GRK5: variants seen among roughly 807,000 people sequenced by gnomAD.
The protein encoded by GRK5 is g protein-coupled receptor kinase GRK5.
Under a neutral mutation model 78.4 loss-of-function variants are expected in GRK5, and 40 were observed. The observed-to-expected ratio is 0.51, with a 90% CI of 0.40 to 0.66. The LOEUF is 0.66. Ranked by LOEUF, GRK5 falls within the 30% of genes least tolerant of loss-of-function variation. The probability of loss-of-function intolerance (pLI) is 0.00; values close to 1 mark genes in which losing one functional copy is unlikely to be tolerated. For missense variants in GRK5, 598 were observed against 759.9 expected, an observed-to-expected ratio of 0.79 and a Z score of 2.50; for synonymous variants, 289 against 296.8, an observed-to-expected ratio of 0.97 and a Z score of 0.27.
At chr10:119,266,500 G>C (rs1453665019) in intron 1 of GRK5, among the ~76,000 whole-genome samples, 2 of 151,992 alleles carry the variant, frequency 1.3e-5, no homozygotes, top group Non-Finnish European at 2.9e-5. Flanking sequence ...TTATCAAGAA[G>C]AGCCCTTCCC....
chr10:119,249,495 T>C (rs1849166348), intron 1 of GRK5, among the ~76,000 whole-genome samples: 2 of 152,132 alleles, frequency 1.3e-5, no homozygotes, highest in South Asian at 4.1e-4. Flanking sequence ...AACATTTTAT[T>C]TTATTTTATT....
rs66652162 is a variant in GRK5 at position 119,389,801 on chromosome 10, AACAC to A, written c.262-6861_262-6858del. On this transcript the variant is annotated intron_variant, in intron 3 of 15. Transcript: ENST00000392870. ...CAGTCAGCACCCAGAGATCATGAGCAACACACACACACACACACACACACACACA... is the reference window on the plus strand; with the variant it reads ...CAGTCAGCACCCAGAGATCATGAGCAACACACACACACACACACACACACA... 3.6e-3 allele frequency among the ~76,000 whole-genome samples: 535 copies of A among 149,738 alleles called. 9 individuals are homozygous for A. In the South Asian group the frequency reaches 0.038, roughly 11 times the overall value.
rs1392690397 is a variant in GRK5, at chr10:119,394,355, T to G, written c.262-2340T>G. ...GTGTGTCTGTGTGTGGGCATGTGGG[T>G]GTGTGGGTGTGTGTGGGTGTCGGTG... On this transcript the variant is annotated intron_variant, in intron 3 of 15. Transcript: ENST00000392870. Among the ~76,000 whole-genome samples the G allele has an allele frequency of 3.2e-5, 3 of 92,588 alleles. 1 individual carries two copies. The highest frequency in any genetic ancestry group is 7.3e-5 in the Non-Finnish European group (3 of 40,960). The allele number at this position is 92,588 out of a possible 152,430, so 60.7% of individuals were successfully genotyped here. A position where few individuals can be genotyped will look rare whatever the true frequency, so the allele number is the denominator to read the frequency against.
chr10:119,369,993 G>A (rs994979027), intron 2 of GRK5, among the ~76,000 whole-genome samples: 1 of 152,134 alleles, frequency 6.6e-6, no homozygotes, highest in African/African-American at 2.4e-5. Context: ...CTTGGTGATA[G>A]AGGTCACTGC....
chr10:119,329,361 G>T lies in GRK5; in HGVS notation c.148+2750G>T, dbSNP rs144390139. Among the ~76,000 whole-genome samples, 25 of 152,282 alleles carry T rather than the reference G, an allele frequency of 1.6e-4. No individual in the cohort carries two copies. The East Asian group carries it at 4.6e-3, about 28-fold the overall frequency. ...GACATTATGTATAAAACAAACATAAGATTTTGAAAGCCGGGAGAGAAGAAG... is the reference window on the plus strand; with the variant it reads ...GACATTATGTATAAAACAAACATAATATTTTGAAAGCCGGGAGAGAAGAAG... On this transcript the variant is annotated intron_variant, in intron 2 of 15. Transcript: ENST00000392870.
intron 3 of GRK5, among the ~76,000 whole-genome samples, chr10:119,381,941 C>T (rs1240147980): frequency 6.6e-6 from 1 of 152,216 alleles, no homozygotes; most frequent in Non-Finnish European, 1.5e-5. Context: ...GCCCACTGGA[C>T]ATCTCCACTG....
intron 1 of GRK5, among the ~76,000 whole-genome samples, chr10:119,313,397 G>A (rs969037191): frequency 6.6e-6 from 1 of 152,080 alleles, no homozygotes; most frequent in African/African-American, 2.4e-5. Context: ...GCTACATTTA[G>A]TGGCACCTAT....
chr10:119,372,108 C>T (rs1051056637), intron 2 of GRK5, among the ~76,000 whole-genome samples: 2 of 152,232 alleles, frequency 1.3e-5, no homozygotes. Flanking sequence ...CACAAAATGT[C>T]TACAGACATT....
Position 119,436,643 on chromosome 10 carries a change from GC to G in GRK5, c.739-7del, listed in dbSNP as rs1183206004. On this transcript the variant is annotated splice_region_variant and splice_polypyrimidine_tract_variant and intron_variant, in intron 8 of 15. Coordinates refer to ENST00000392870, the MANE Select transcript of GRK5 (RefSeq NM_005308.3). Reference sequence around the variant, plus strand: ...AACCTCCCCATGGCACTGTTCTTGTGCTCCCAGGTCAACCTGGCCTATGCCT... The same window carrying G: ...AACCTCCCCATGGCACTGTTCTTGTGTCCCAGGTCAACCTGGCCTATGCCT... The G allele has an allele frequency of 6.2e-7, 1 of 1,613,834 alleles. No homozygotes were observed. Among genetic ancestry groups the G allele is most frequent in the African/African-American group, 1.3e-5 (1 of 74,952 alleles).
intron 4 of GRK5, among the ~76,000 whole-genome samples, chr10:119,415,115 AAG>A (rs1852424218): frequency 6.6e-6 from 1 of 151,740 alleles, no homozygotes; most frequent in Non-Finnish European, 1.5e-5. Flanking sequence ...AAAAAGAAAA[AAG>A]AAATGGCAGT....
chr10:119,303,457 G>A (rs969589629), intron 1 of GRK5, among the ~76,000 whole-genome samples: 2 of 152,136 alleles, frequency 1.3e-5, no homozygotes, highest in Non-Finnish European at 1.5e-5. Context: ...CCAGCAGGGC[G>A]AAGGCTGTGC....
intron 1 of GRK5, among the ~76,000 whole-genome samples, chr10:119,278,809 G>T (rs1240616522): frequency 1.3e-5 from 2 of 152,108 alleles, no homozygotes; most frequent in African/African-American, 4.8e-5. Flanking sequence ...GGAGATGGCC[G>T]CCCCCTTGCT....
chr10:119,295,056 G>A (rs769074463), intron 1 of GRK5, among the ~76,000 whole-genome samples: 8 of 151,984 alleles, frequency 5.3e-5, no homozygotes, highest in South Asian at 2.1e-4. Context: ...CGGGCGTGGT[G>A]GCATGCACCT....
At chr10:119,426,663 TCCATCACCACCATCATCA>T (rs1852682381) in intron 6 of GRK5, among the ~76,000 whole-genome samples, 1 of 152,184 alleles carries the variant, frequency 6.6e-6, no homozygotes, top group Non-Finnish European at 1.5e-5. Context: ...AGTTGTTGCA[TCCATCACCACCATCATCA>T]CCATCACCAC....
At chr10:119,286,401 G>A (rs1849847297) in intron 1 of GRK5, among the ~76,000 whole-genome samples, 1 of 152,134 alleles carries the variant, frequency 6.6e-6, no homozygotes. Flanking sequence ...TGTATGTTAG[G>A]TTTTTTTGAC....
chr10:119,454,579 TC>T (rs1853364436), intron 15 of GRK5, among the ~76,000 whole-genome samples: 1 of 152,124 alleles, frequency 6.6e-6, no homozygotes, highest in South Asian at 2.1e-4. Context: ...CATTGTATCC[TC>T]CCAGCCACCC....
chr10:119,436,303 C>T (rs767826929), intron 8 of GRK5, among the ~76,000 whole-genome samples: 16 of 152,258 alleles, frequency 1.1e-4, no homozygotes, highest in Non-Finnish European at 1.8e-4. Context: ...GCTTTTCTGA[C>T]TGGCCAAGAA....
rs368432841 is a variant in GRK5 at position 119,436,762 on chromosome 10, G to A, written c.850G>A (p.Glu284Lys). 1.8e-5 allele frequency: 29 copies of A among 1,614,070 alleles called. 1 individual carries two copies. The Admixed American group carries it at 2.0e-4, about 11-fold the overall frequency. Reference sequence around the variant, plus strand: ...CTACAACATGGGCAACCCTGGCTTCGAGGAGGAGCGGGCCTTGTTTTATGC... The same window carrying A: ...CTACAACATGGGCAACCCTGGCTTCAAGGAGGAGCGGGCCTTGTTTTATGC... Reference protein sequence around the residue: ...HIYNMGNPGFEEERALFYAAE... With the variant: ...HIYNMGNPGFKEERALFYAAE... Residue 284 changes from glutamate to lysine, a missense_variant, in exon 9 of 16, where the codon GAG becomes AAG. By Grantham distance (56) the Glu-to-Lys change is moderately conservative. Coordinates refer to ENST00000392870, the MANE Select transcript of GRK5 (RefSeq NM_005308.3).
At chr10:119,232,290 G>A (rs1377082795) in intron 1 of GRK5, among the ~76,000 whole-genome samples, 1 of 152,176 alleles carries the variant, frequency 6.6e-6, no homozygotes, top group African/African-American at 2.4e-5. Flanking sequence ...TTGATTCATA[G>A]AAGTAAAAAG....
Sources: gnomAD v4.1 joint callset for allele counts (sites outside exome capture counted in the v4.1 genomes callset) on GRCh38, gnomAD v4.1.1 for gene constraint, MANE v1.5 for transcripts, NCBI Gene and HGNC (gene_info 2026-07-23, HGNC 2026-07-21) for gene names.